SPIDR: variants seen among roughly 807,000 people sequenced by gnomAD.
SPIDR encodes DNA repair-scaffolding protein.
In SPIDR, 93 loss-of-function variants were observed where a neutral mutation model predicts 104.6. The observed-to-expected ratio is 0.89, with a 90% CI of 0.75 to 1.06. The LOEUF (loss-of-function observed/expected upper bound fraction) is 1.06. Among genes scored for constraint, SPIDR ranks in the 50% least tolerant of loss-of-function variants. The pLI is 0.00. For synonymous variants in SPIDR, 431 were observed against 416.9 expected (o/e 1.03, Z -0.41); for missense variants, 1,154 against 1,111.2 (o/e 1.04, Z -0.55).
intron 8 of SPIDR, among the ~76,000 whole-genome samples, chr8:47,587,173 T>G (rs1016902845): frequency 2.6e-5 from 4 of 152,242 alleles, no homozygotes; most frequent in Non-Finnish European, 4.4e-5. Context: ...CCTAACATTT[T>G]TCTCGTTTTA....
rs190082631 is a variant in SPIDR, at chr8:47,492,596, T to G, written c.1097+52054T>G. The stretch of plus-strand genomic sequence containing the variant: ...CACTGCTGCCCTTTTACCTCTTCTC[T>G]GAATCATTGCAATGGCCTTTAGCTG... On this transcript the variant is annotated intron_variant, in intron 8 of 19. Coordinates refer to ENST00000297423, the MANE Select transcript of SPIDR (RefSeq NM_001080394.4). Among the ~76,000 whole-genome samples the G allele has an allele frequency of 1.0e-3, 157 of 152,322 alleles. 1 individual carries two copies. The highest frequency in any genetic ancestry group is 3.7e-3 in the African/African-American group (153 of 41,574).
intron 5 of SPIDR, among the ~76,000 whole-genome samples, chr8:47,329,782 C>T (rs2048348022): frequency 6.6e-6 from 1 of 151,988 alleles, no homozygotes; most frequent in Non-Finnish European, 1.5e-5. Context: ...TCTTATTTAC[C>T]ATTTTTTGTT....
intron 10 of SPIDR, among the ~76,000 whole-genome samples, chr8:47,619,347 G>A (rs1322382240): frequency 1.3e-5 from 2 of 152,108 alleles, no homozygotes; most frequent in Non-Finnish European, 2.9e-5. Context: ...GAGTTCAATT[G>A]GCCCTTAAAT....
rs1219235124 is a variant in SPIDR, at chr8:47,633,763, ATGG to A, written c.1544+34568_1544+34570del. 2.6e-5 allele frequency among the ~76,000 whole-genome samples: 4 copies of A among 152,106 alleles called. No individual in the cohort carries two copies. The East Asian group carries it at 7.7e-4, about 29-fold the overall frequency. On this transcript the variant is annotated intron_variant, in intron 10 of 19. Transcript: ENST00000297423. Reference sequence around the variant, plus strand: ...TATACTCAAAGTACAGGGCAGTATTATGGCTTGAAAAAAGCATAATGAACTTAA... The same window carrying A: ...TATACTCAAAGTACAGGGCAGTATTACTTGAAAAAAGCATAATGAACTTAA...
chr8:47,655,254 G>T (rs1335538136), intron 10 of SPIDR, among the ~76,000 whole-genome samples: 1 of 152,150 alleles, frequency 6.6e-6, no homozygotes, highest in Non-Finnish European at 1.5e-5. Context: ...TAATGGGATG[G>T]CTGGGTCAAA....
intron 8 of SPIDR, among the ~76,000 whole-genome samples, chr8:47,589,031 T>G (rs867736900): frequency 1.3e-5 from 2 of 149,454 alleles, no homozygotes; most frequent in Admixed American, 6.6e-5. Context: ...TGTTTTTTTT[T>G]TTTTTTTTTT....
intron 1 of SPIDR, among the ~76,000 whole-genome samples, chr8:47,267,880 T>A (rs2034422598): frequency 6.6e-6 from 1 of 152,172 alleles, no homozygotes; most frequent in South Asian, 2.1e-4. Context: ...TTCTTGTGCT[T>A]TTCGGTGTCA....
At chr8:47,583,828 T>C (rs1389128700) in intron 8 of SPIDR, among the ~76,000 whole-genome samples, 2 of 152,226 alleles carry the variant, frequency 1.3e-5, no homozygotes, top group Non-Finnish European at 2.9e-5. Context: ...ACAGCACACT[T>C]TGTCCTGCCT....
chr8:47,388,389 T>C (rs1554649567), intron 5 of SPIDR: 8 of 154,096 alleles, frequency 5.2e-5, no homozygotes, highest in Admixed American at 2.6e-4. Flanking sequence ...AGGAACCAAA[T>C]GTAGCTGGTT....
At position 47,729,551 on chromosome 8, in the gene SPIDR, A is replaced by G. The variant is rs2084872275; in HGVS notation, c.2604+86A>G. 25 of 1,464,860 alleles carry G rather than the reference A, an allele frequency of 1.7e-5. No homozygotes were observed. In the South Asian group the frequency reaches 3.0e-4, roughly 17 times the overall value. 90.7% of individuals were successfully genotyped at this position (1,464,860 alleles called of 1,614,324 possible). A position where few individuals can be genotyped will look rare whatever the true frequency, so the allele number is the denominator to read the frequency against. ...TCCCCAGAGGAAGCCCCCACTCCCA[A>G]ATGTGTTCTATTACAACCCATCCCA... On this transcript the variant is annotated intron_variant, in intron 19 of 19. Coordinates refer to ENST00000297423, the MANE Select transcript of SPIDR (RefSeq NM_001080394.4).
intron 3 of SPIDR, among the ~76,000 whole-genome samples, chr8:47,287,182 T>C (rs1325485355): frequency 1.5e-4 from 22 of 151,022 alleles, no homozygotes; most frequent in Admixed American, 1.4e-3. Context: ...AAAGATCACA[T>C]GCTTCAAAGG....
At chr8:47,343,357 T>A (rs1235821349) in intron 5 of SPIDR, among the ~76,000 whole-genome samples, 2 of 152,228 alleles carry the variant, frequency 1.3e-5, no homozygotes, top group Non-Finnish European at 1.5e-5. Context: ...AGCATAGAGG[T>A]TGACATGTGC....
chr8:47,612,553 A>C (rs138115750), intron 10 of SPIDR, among the ~76,000 whole-genome samples: 1 of 152,360 alleles, frequency 6.6e-6, no homozygotes, highest in East Asian at 1.9e-4. Flanking sequence ...CCATAAAAGC[A>C]CTATCTGGTA....
chr8:47,542,122 A>C (rs980093209), intron 8 of SPIDR, among the ~76,000 whole-genome samples: 6 of 152,080 alleles, frequency 3.9e-5, no homozygotes, highest in Admixed American at 6.5e-5. Context: ...AGCAAAGTTA[A>C]TTAAGGAAGA....
intron 10 of SPIDR, 87 bp downstream of exon 10, chr8:47,599,283 G>A (rs144821482): frequency 6.0e-5 from 92 of 1,523,554 alleles, no homozygotes; most frequent in Non-Finnish European, 3.7e-5. Context: ...CTCAGAGCAC[G>A]TTCTTAGCTG....
At chr8:47,714,546 C>G (rs572364788) in intron 16 of SPIDR, among the ~76,000 whole-genome samples, 7 of 152,318 alleles carry the variant, frequency 4.6e-5, no homozygotes, top group Non-Finnish European at 8.8e-5. Context: ...TCATACATGT[C>G]TAGTGGAACT....
intron 10 of SPIDR, among the ~76,000 whole-genome samples, chr8:47,630,694 A>G (rs905334365): frequency 3.3e-5 from 5 of 152,088 alleles, no homozygotes; most frequent in Admixed American, 2.6e-4. Flanking sequence ...TTACCCACAC[A>G]TTGGCCTTGG....
chr8:47,408,493 T>G (rs1370060780), intron 7 of SPIDR, among the ~76,000 whole-genome samples: 1 of 152,190 alleles, frequency 6.6e-6, no homozygotes. Flanking sequence ...ACTGCAGATC[T>G]CTAGGACTGG....
At chr8:47,724,145 G>A (rs961912612) in intron 16 of SPIDR, among the ~76,000 whole-genome samples, 20 of 151,790 alleles carry the variant, frequency 1.3e-4, no homozygotes, top group Admixed American at 8.5e-4. Flanking sequence ...TTCTGCTTCC[G>A]GGCCTGTTCT....
Sources: gnomAD v4.1 joint callset for allele counts (sites outside exome capture counted in the v4.1 genomes callset) on GRCh38, gnomAD v4.1.1 for gene constraint, MANE v1.5 for transcripts, NCBI Gene and HGNC (gene_info 2026-07-23, HGNC 2026-07-21) for gene names.